ZDHHC17: variants seen among roughly 807,000 people sequenced by gnomAD.
The protein encoded by ZDHHC17 is zDHHC palmitoyltransferase 17.
Under a neutral mutation model 90.3 loss-of-function variants are expected in ZDHHC17, and 40 were observed. That is an observed-to-expected ratio of 0.44 (90% CI 0.34 to 0.58). The LOEUF (loss-of-function observed/expected upper bound fraction) is 0.58, where lower values mean the gene tolerates loss of function less well. Ranked by LOEUF, ZDHHC17 falls within the 20% of genes least tolerant of loss-of-function variation. The pLI, the probability that ZDHHC17 is intolerant of heterozygous loss-of-function variation, is 0.01. For missense variants in ZDHHC17, 614 were observed against 780.8 expected (o/e 0.79, Z 2.55); for synonymous variants, 235 against 252.4 (o/e 0.93, Z 0.65).
intron 10 of ZDHHC17, among the ~76,000 whole-genome samples, chr12:76,830,708 G>A (rs1803492154): frequency 6.6e-6 from 1 of 152,054 alleles, no homozygotes; most frequent in Non-Finnish European, 1.5e-5. Context: ...TCCTAAATTG[G>A]ACATTAAAGT....
At chr12:76,786,213 C>T (rs898589579) in intron 1 of ZDHHC17, among the ~76,000 whole-genome samples, 3 of 151,868 alleles carry the variant, frequency 2.0e-5, no homozygotes, top group Non-Finnish European at 4.4e-5. Context: ...AGTGATCCTC[C>T]CACCACAACC....
chr12:76,838,680 TC>T (rs1166244370), intron 10 of ZDHHC17, among the ~76,000 whole-genome samples: 1 of 152,188 alleles, frequency 6.6e-6, no homozygotes, highest in Non-Finnish European at 1.5e-5. Context: ...AGCCATCCCC[TC>T]AATTTTGTTA....
intron 1 of ZDHHC17, among the ~76,000 whole-genome samples, chr12:76,784,209 T>C (rs112361159): frequency 1.3e-5 from 2 of 152,200 alleles, no homozygotes; most frequent in African/African-American, 4.8e-5. Context: ...TTTCAAAAAT[T>C]TTTTTGCACC....
chr12:76,838,918 G>A (rs1349013357), intron 10 of ZDHHC17, among the ~76,000 whole-genome samples: 1 of 152,198 alleles, frequency 6.6e-6, no homozygotes, highest in Non-Finnish European at 1.5e-5. Flanking sequence ...TTTAACAACA[G>A]AAATTTGTTT....
At chr12:76,809,191 A>G in intron 4 of ZDHHC17, 71 bp downstream of exon 4, 1 of 1,053,896 alleles carries the variant, frequency 9.5e-7, no homozygotes, top group Non-Finnish European at 1.3e-6. Flanking sequence ...CTTTAAAAAA[A>G]TGATATACTA....
At chr12:76,828,639 TG>T (rs1012404815) in intron 10 of ZDHHC17, 149 bp downstream of exon 10, 1 of 612,716 alleles carries the variant, frequency 1.6e-6, no homozygotes, top group African/African-American at 1.9e-5. Flanking sequence ...ATATAAGTAA[TG>T]TTTTTAAATA....
At chr12:76,840,864 A>G (rs918844439) in intron 10 of ZDHHC17, 1 of 152,160 alleles carries the variant, frequency 6.6e-6, no homozygotes, top group Non-Finnish European at 1.5e-5. Flanking sequence ...TGACTTATTT[A>G]TTTACATGTT....
chr12:76,791,637 C>T (rs1952760625), intron 1 of ZDHHC17, among the ~76,000 whole-genome samples: 1 of 152,074 alleles, frequency 6.6e-6, no homozygotes. Context: ...TCACAATATT[C>T]CTGAACTCAC....
chr12:76,815,542 A>G (rs1953076785), intron 6 of ZDHHC17, among the ~76,000 whole-genome samples: 2 of 151,876 alleles, frequency 1.3e-5, no homozygotes, highest in African/African-American at 2.4e-5. Flanking sequence ...GAAGACTCCA[A>G]ATTTAAATTT....
At chr12:76,770,076 A>G (rs149429832) in intron 1 of ZDHHC17, among the ~76,000 whole-genome samples, 1,680 of 152,302 alleles carry the variant, frequency 0.011, 11 homozygotes, top group Non-Finnish European at 0.017. Flanking sequence ...TGAACTCTGC[A>G]TCCCAATTTT....
At chr12:76,803,183 G>A (rs1166430467) in intron 2 of ZDHHC17, among the ~76,000 whole-genome samples, 2 of 152,108 alleles carry the variant, frequency 1.3e-5, no homozygotes, top group Non-Finnish European at 2.9e-5. Flanking sequence ...AGCCCTGGGG[G>A]TGGAGATTGC....
chr12:76,830,030 CTG>C (rs1344340766), intron 10 of ZDHHC17, among the ~76,000 whole-genome samples: 1 of 151,468 alleles, frequency 6.6e-6, no homozygotes, highest in Admixed American at 6.6e-5. Flanking sequence ...GAAATTGTAA[CTG>C]TGCCTGTGTG....
At chr12:76,826,306 A>G (rs1451793873) in intron 8 of ZDHHC17, among the ~76,000 whole-genome samples, 2 of 152,182 alleles carry the variant, frequency 1.3e-5, no homozygotes, top group Non-Finnish European at 2.9e-5. Flanking sequence ...GACTTTAACA[A>G]CCAGACCAGT....
chr12:76,790,483 C>A (rs904616224), intron 1 of ZDHHC17, among the ~76,000 whole-genome samples: 2 of 152,160 alleles, frequency 1.3e-5, no homozygotes, highest in African/African-American at 4.8e-5. Flanking sequence ...GCCTGGGTGA[C>A]AGAGCGAGAC....
rs749995042 is a variant in ZDHHC17, at chr12:76,797,542, G to T, written c.197+5G>T. On this transcript the variant is annotated splice_donor_5th_base_variant and intron_variant, in intron 2 of 16. Transcript: ENST00000426126. ...GGACATAGTCAAGGCTACACAGTAAGGTTTTTGTTGTAGTTGTTTTCTTTG... is the reference window on the plus strand; with the variant it reads ...GGACATAGTCAAGGCTACACAGTAATGTTTTTGTTGTAGTTGTTTTCTTTG... The T allele has an allele frequency of 1.9e-6, 3 of 1,573,662 alleles. No homozygotes were observed. The highest frequency in any genetic ancestry group is 1.7e-6 in the Non-Finnish European group (2 of 1,161,952).
chr12:76,834,544 A>C (rs998514509), intron 10 of ZDHHC17, among the ~76,000 whole-genome samples: 1 of 152,124 alleles, frequency 6.6e-6, no homozygotes, highest in South Asian at 2.1e-4. Context: ...TTTTCTGTGT[A>C]TCTCTCCCAG....
chr12:76,764,388 G>A, intron 1 of ZDHHC17, 59 bp downstream of exon 1: 3 of 1,491,676 alleles, frequency 2.0e-6, no homozygotes, highest in Non-Finnish European at 2.7e-6. Context: ...TTCTTCCCCG[G>A]ACTCGCCGAG....
chr12:76,834,081 AGAAT>A (rs1953336308), intron 10 of ZDHHC17, among the ~76,000 whole-genome samples: 1 of 152,208 alleles, frequency 6.6e-6, no homozygotes, highest in African/African-American at 2.4e-5. Context: ...TTATATTTAC[AGAAT>A]GAAGTTTAAA....
intron 8 of ZDHHC17, among the ~76,000 whole-genome samples, chr12:76,824,160 C>G (rs995369609): frequency 6.6e-6 from 1 of 152,010 alleles, no homozygotes; most frequent in Non-Finnish European, 1.5e-5. Context: ...TGTAAAGTTA[C>G]TTATGGCATT....
Sources: allele counts gnomAD v4.1 joint callset (sites outside exome capture counted in the v4.1 genomes callset), GRCh38; gene constraint gnomAD v4.1.1; transcripts MANE v1.5; gene names NCBI Gene and HGNC (gene_info 2026-07-23, HGNC 2026-07-21).